The following SH3PXD2A variants were observed in gnomAD, a reference collection of about 807,000 sequenced individuals.
SH3PXD2A encodes the protein SH3 and PX domains 2A, also known as SH3 and PX domain-containing protein 2A.
In SH3PXD2A, 32 loss-of-function variants were observed where a neutral mutation model predicts 115.2. That is an observed-to-expected ratio of 0.28 (90% CI 0.21 to 0.37). The LOEUF is 0.37. SH3PXD2A is among the 10% of genes least tolerant of loss of function. The pLI, the probability that SH3PXD2A is intolerant of heterozygous loss-of-function variation, is 1.00. For synonymous variants in SH3PXD2A, 610 were observed against 629.1 expected (o/e 0.97, Z 0.45); for missense variants, 1,328 against 1,498.7 (o/e 0.89, Z 1.88).
At chr10:103,792,501 G>T (rs2039045277) in intron 2 of SH3PXD2A, among the ~76,000 whole-genome samples, 1 of 152,214 alleles carries the variant, frequency 6.6e-6, no homozygotes, top group Non-Finnish European at 1.5e-5. Context: ...CTCTGTGCCA[G>T]TCCTATCCTA....
Position 103,599,018 on chromosome 10 carries a change from A to G in SH3PXD2A, c.*2798T>C, listed in dbSNP as rs2036177872. The G allele has an allele frequency of 6.6e-6, 1 of 152,570 alleles. No homozygotes were observed. Among genetic ancestry groups the G allele is most frequent in the African/African-American group, 2.4e-5 (1 of 41,414 alleles). The allele number at this position is 152,570 out of a possible 1,614,324, so 9.5% of individuals were successfully genotyped here. On this transcript the variant is annotated 3_prime_UTR_variant, in exon 15 of 15. Coordinates refer to ENST00000369774, the MANE Select transcript of SH3PXD2A (RefSeq NM_001394015.1). ...CTGGATGCCTGAGCAACTCCCAGCC[A>G]TCCTTGGGGCTGGATGTCACAATGT...
rs571936334 is a variant in SH3PXD2A, at chr10:103,662,386, C to CTTTTT, written c.473-1277_473-1273dup. Among the ~76,000 whole-genome samples, 103 of 39,722 alleles carry CTTTTT rather than the reference C, an allele frequency of 2.6e-3. 13 individuals are homozygous for CTTTTT. The highest frequency in any genetic ancestry group is 8.4e-3 in the African/African-American group (70 of 8,342). The allele number at this position is 39,722 out of a possible 152,430, so 26.1% of individuals were successfully genotyped here. A position where few individuals can be genotyped will look rare whatever the true frequency, so the allele number is the denominator to read the frequency against. On this transcript the variant is annotated intron_variant, in intron 7 of 14. Transcript: ENST00000369774. ...GATAAGACACTTAAAATATGATGTG[C>CTTTTT]TTTTTTTTTTTTTTTTTTTTTTTTG...
At chr10:103,632,031 G>A (rs1190692278) in intron 8 of SH3PXD2A, among the ~76,000 whole-genome samples, 1 of 152,140 alleles carries the variant, frequency 6.6e-6, no homozygotes, top group Non-Finnish European at 1.5e-5. Flanking sequence ...ACCCTAGGTG[G>A]TGGTATGTGT....
intron 1 of SH3PXD2A, among the ~76,000 whole-genome samples, chr10:103,832,726 G>C (rs910223395): frequency 6.6e-6 from 1 of 152,138 alleles, no homozygotes; most frequent in African/African-American, 2.4e-5. Context: ...ACACAGGAAG[G>C]GGAACATCAC....
At chr10:103,628,695 G>A (rs1398040785) in intron 8 of SH3PXD2A, among the ~76,000 whole-genome samples, 1 of 152,068 alleles carries the variant, frequency 6.6e-6, no homozygotes, top group Non-Finnish European at 1.5e-5. Context: ...CCTAGGCTCT[G>A]CCAACCCTGG....
chr10:103,619,041 CAGA>C (rs61490643), intron 10 of SH3PXD2A, among the ~76,000 whole-genome samples: 14,937 of 152,256 alleles, frequency 0.098, 808 homozygotes, highest in East Asian at 0.21. Context: ...TGCCCAAAAG[CAGA>C]AGGAGGGTGA....
chr10:103,638,742 AGTG>A (rs2036904142), intron 8 of SH3PXD2A, among the ~76,000 whole-genome samples: 1 of 152,252 alleles, frequency 6.6e-6, no homozygotes, highest in African/African-American at 2.4e-5. Flanking sequence ...GAATCAGAAT[AGTG>A]CCTTCAGACG....
intron 8 of SH3PXD2A, among the ~76,000 whole-genome samples, chr10:103,655,954 G>GTGAATAAA (rs2037206204): frequency 6.6e-6 from 1 of 152,074 alleles, no homozygotes; most frequent in Admixed American, 6.6e-5. Flanking sequence ...AAATAAACGA[G>GTGAATAAA]TGAATAAATG....
At chr10:103,742,169 T>A (rs1264424378) in intron 3 of SH3PXD2A, among the ~76,000 whole-genome samples, 1 of 152,136 alleles carries the variant, frequency 6.6e-6, no homozygotes, top group Non-Finnish European at 1.5e-5. Flanking sequence ...AACCCAGGAA[T>A]GTATTCTCTG....
Position 103,665,736 on chromosome 10 carries a change from C to G in SH3PXD2A, c.472+2872G>C, listed in dbSNP as rs1366976838. Among the ~76,000 whole-genome samples the G allele has an allele frequency of 6.6e-6, 1 of 152,228 alleles. No homozygotes were observed. Among genetic ancestry groups the G allele is most frequent in the African/African-American group, 2.4e-5 (1 of 41,458 alleles). ...TCCCACAGAGGCCACTCTGGATCCCCTCTCAGCCAAGGCCTGCAGAACTAG... is the reference window on the plus strand; with the variant it reads ...TCCCACAGAGGCCACTCTGGATCCCGTCTCAGCCAAGGCCTGCAGAACTAG... On this transcript the variant is annotated intron_variant, in intron 7 of 14. Coordinates refer to ENST00000369774, the MANE Select transcript of SH3PXD2A (RefSeq NM_001394015.1). The surrounding 1 kb of genome is among the most constrained non-coding windows in gnomAD (Gnocchi z 4.0).
intron 1 of SH3PXD2A, among the ~76,000 whole-genome samples, chr10:103,826,880 A>T (rs1469503051): frequency 6.6e-6 from 1 of 152,202 alleles, no homozygotes; most frequent in Non-Finnish European, 1.5e-5. Context: ...TAAGGTTGGC[A>T]AAGGGTAGCA....
chr10:103,722,113 C>T (rs1490134151), intron 5 of SH3PXD2A, among the ~76,000 whole-genome samples: 1 of 151,770 alleles, frequency 6.6e-6, no homozygotes, highest in African/African-American at 2.4e-5. Flanking sequence ...AGACCAACCT[C>T]GCCAACATGG....
chr10:103,812,566 C>A (rs921735752), intron 1 of SH3PXD2A, among the ~76,000 whole-genome samples: 1 of 152,176 alleles, frequency 6.6e-6, no homozygotes, highest in Admixed American at 6.5e-5. Context: ...CTGACCCCGA[C>A]ACACACATCC....
chr10:103,705,352 G>A (rs181183215), intron 5 of SH3PXD2A, among the ~76,000 whole-genome samples: 13 of 152,340 alleles, frequency 8.5e-5, no homozygotes, highest in Admixed American at 5.2e-4. Context: ...TCTCCCCACC[G>A]TGAGTGAGCT....
intron 1 of SH3PXD2A, among the ~76,000 whole-genome samples, chr10:103,828,120 A>G: frequency 6.6e-6 from 1 of 152,200 alleles, no homozygotes; most frequent in Non-Finnish European, 1.5e-5. Context: ...AAGATGCTAC[A>G]GTTCTCTGTT....
intron 7 of SH3PXD2A, among the ~76,000 whole-genome samples, chr10:103,667,598 C>T (rs1444275535): frequency 6.6e-6 from 1 of 152,218 alleles, no homozygotes; most frequent in Non-Finnish European, 1.5e-5. Context: ...CTCCTCCCAA[C>T]ACGTTTACCT....
intron 5 of SH3PXD2A, among the ~76,000 whole-genome samples, chr10:103,720,238 C>G (rs533002159): frequency 2.0e-5 from 3 of 152,334 alleles, no homozygotes; most frequent in African/African-American, 7.2e-5. Flanking sequence ...CATAAGGGCG[C>G]AAATCCCATT....
At chr10:103,716,049 T>C (rs966085280) in intron 5 of SH3PXD2A, among the ~76,000 whole-genome samples, 3 of 152,218 alleles carry the variant, frequency 2.0e-5, no homozygotes, top group Non-Finnish European at 2.9e-5. Context: ...GAGAAAGTCA[T>C]GCAGAGGAGA....
chr10:103,775,586 T>C (rs1201980953), intron 2 of SH3PXD2A, among the ~76,000 whole-genome samples: 1 of 152,172 alleles, frequency 6.6e-6, no homozygotes, highest in African/African-American at 2.4e-5. Context: ...GCAGTGGGCC[T>C]GTCAGGATTG....
Sources: gnomAD v4.1 joint callset for allele counts (sites outside exome capture counted in the v4.1 genomes callset) on GRCh38, gnomAD v4.1.1 for gene constraint, Gnocchi (gnomAD v3.1) non-coding constraint, MANE v1.5 for transcripts, NCBI Gene and HGNC (gene_info 2026-07-23, HGNC 2026-07-21) for gene names.